Variants in SPIDR observed in about 807,000 individuals in gnomAD.
SPIDR encodes the protein scaffold protein involved in DNA repair, also known as DNA repair-scaffolding protein.
Under a neutral mutation model 104.6 loss-of-function variants are expected in SPIDR, and 93 were observed. That is an observed-to-expected ratio of 0.89 (90% confidence interval 0.75 to 1.06). The LOEUF (loss-of-function observed/expected upper bound fraction) is 1.06. Ranked by LOEUF, SPIDR falls within the 50% of genes least tolerant of loss-of-function variation. The pLI, the probability that SPIDR is intolerant of heterozygous loss-of-function variation, is 0.00. For missense variants in SPIDR, 1,154 were observed against 1,111.2 expected (o/e 1.04, Z -0.55); for synonymous variants, 431 against 416.9 (o/e 1.03, Z -0.41).
intron 8 of SPIDR, among the ~76,000 whole-genome samples, chr8:47,446,638 G>C (rs1361977868): frequency 2.0e-5 from 3 of 150,348 alleles, no homozygotes; most frequent in African/African-American, 7.4e-5. Flanking sequence ...CCAGGCTGGA[G>C]TGCAGTGGTG....
intron 8 of SPIDR, among the ~76,000 whole-genome samples, chr8:47,548,376 G>T (rs1298859482): frequency 6.6e-6 from 1 of 152,226 alleles, no homozygotes; most frequent in Non-Finnish European, 1.5e-5. Context: ...GGCTGAATGT[G>T]GTGGCTCACG....
At chr8:47,418,570 G>T (rs1458739389) in intron 7 of SPIDR, among the ~76,000 whole-genome samples, 1 of 152,134 alleles carries the variant, frequency 6.6e-6, no homozygotes, top group African/African-American at 2.4e-5. Context: ...TGCAAACAGG[G>T]ACAATTTGAC....
chr8:47,387,125 G>A (rs1167899766), intron 5 of SPIDR, among the ~76,000 whole-genome samples: 1 of 152,094 alleles, frequency 6.6e-6, no homozygotes, highest in Non-Finnish European at 1.5e-5. Flanking sequence ...GAATGAGGAA[G>A]CATATTCTAG....
At chr8:47,510,027 G>A (rs959210608) in intron 8 of SPIDR, among the ~76,000 whole-genome samples, 4 of 152,114 alleles carry the variant, frequency 2.6e-5, no homozygotes, top group African/African-American at 7.2e-5. Context: ...CCTAAAAACA[G>A]CATGTATTAT....
At chr8:47,454,158 C>T (rs527265656) in intron 8 of SPIDR, among the ~76,000 whole-genome samples, 14 of 152,268 alleles carry the variant, frequency 9.2e-5, no homozygotes, top group African/African-American at 3.1e-4. Context: ...AATCATGCTG[C>T]TATAAAGACA....
intron 16 of SPIDR, among the ~76,000 whole-genome samples, chr8:47,726,202 A>G (rs557057356): frequency 1.3e-5 from 2 of 152,230 alleles, no homozygotes; most frequent in Non-Finnish European, 1.5e-5. Flanking sequence ...TTCAAAATCA[A>G]GATCTATTAT....
At chr8:47,567,515 G>A (rs966155863) in intron 8 of SPIDR, among the ~76,000 whole-genome samples, 26 of 152,106 alleles carry the variant, frequency 1.7e-4, no homozygotes, top group African/African-American at 6.0e-4. Flanking sequence ...CACCCCGCCC[G>A]GCCTGAGGAT....
intron 16 of SPIDR, among the ~76,000 whole-genome samples, chr8:47,718,576 A>C (rs2082917683): frequency 6.6e-6 from 1 of 151,484 alleles, no homozygotes; most frequent in African/African-American, 2.4e-5. Flanking sequence ...CATGAGCACT[A>C]GTCAGGAAGA....
At chr8:47,417,060 T>G (rs1383131592) in intron 7 of SPIDR, among the ~76,000 whole-genome samples, 1 of 152,214 alleles carries the variant, frequency 6.6e-6, no homozygotes, top group Non-Finnish European at 1.5e-5. Context: ...AAGTCTTTGC[T>G]ATTGTGAATA....
Position 47,345,783 on chromosome 8 carries a change from G to A in SPIDR, c.526-50593G>A, listed in dbSNP as rs1219773377. On this transcript the variant is annotated intron_variant, in intron 5 of 19. Transcript: ENST00000297423. Reference sequence around the variant, plus strand: ...TCTGTTTGTCTCTTATTGGTGTATAGGAATGCTTGTGATTTTTGCACATTG... The same window carrying A: ...TCTGTTTGTCTCTTATTGGTGTATAAGAATGCTTGTGATTTTTGCACATTG... Among the ~76,000 whole-genome samples, 12 of 152,134 alleles carry A rather than the reference G, an allele frequency of 7.9e-5. No individual in the cohort carries two copies. The South Asian group carries it at 1.5e-3, about 18-fold the overall frequency.
At chr8:47,496,766 C>T (rs1244669481) in intron 8 of SPIDR, among the ~76,000 whole-genome samples, 5 of 119,190 alleles carry the variant, frequency 4.2e-5, no homozygotes, top group African/African-American at 1.6e-4. Flanking sequence ...ATGAATTTCT[C>T]TTTAAACATT....
intron 8 of SPIDR, among the ~76,000 whole-genome samples, chr8:47,538,130 G>A (rs374247885): frequency 2.6e-5 from 4 of 151,680 alleles, no homozygotes; most frequent in African/African-American, 7.3e-5. Flanking sequence ...AGCCGGGATC[G>A]TGCCACTGTA....
chr8:47,434,744 C>T (rs1051926693), intron 7 of SPIDR, among the ~76,000 whole-genome samples: 1 of 151,534 alleles, frequency 6.6e-6, no homozygotes, highest in Non-Finnish European at 1.5e-5. Flanking sequence ...AGTATCTCTC[C>T]CCTCATACTA....
chr8:47,544,348 C>G (rs2088841474), intron 8 of SPIDR, among the ~76,000 whole-genome samples: 1 of 152,138 alleles, frequency 6.6e-6, no homozygotes, highest in African/African-American at 2.4e-5. Flanking sequence ...TCAACAAGGT[C>G]TACCAGAATA....
intron 8 of SPIDR, among the ~76,000 whole-genome samples, chr8:47,505,381 C>T (rs1457365196): frequency 2.0e-5 from 3 of 152,160 alleles, no homozygotes; most frequent in African/African-American, 7.2e-5. Flanking sequence ...AGCTTGATCT[C>T]AGACTGCTGT....
intron 10 of SPIDR, among the ~76,000 whole-genome samples, chr8:47,632,874 A>G (rs535228115): frequency 2.6e-5 from 4 of 152,318 alleles, no homozygotes; most frequent in African/African-American, 7.2e-5. Context: ...TGAGTTCCCC[A>G]TTGCTCAGAG....
At chr8:47,291,256 T>C (rs993697108) in intron 4 of SPIDR, 119 bp downstream of exon 4, 2 of 586,616 alleles carry the variant, frequency 3.4e-6, no homozygotes, top group Non-Finnish European at 5.8e-6. Context: ...TGTTAAATAT[T>C]GGATTTAATA....
chr8:47,548,613 A>T lies in SPIDR; in HGVS notation c.1098-47198A>T, dbSNP rs115811326. Among the ~76,000 whole-genome samples the T allele has an allele frequency of 9.8e-3, 1,495 of 152,320 alleles. 28 individuals are homozygous for T. Among genetic ancestry groups the T allele is most frequent in the African/African-American group, 0.033 (1,384 of 41,566 alleles). The stretch of plus-strand genomic sequence containing the variant: ...CAGTCAGCTGCGATTGCACCACTGC[A>T]CTCCGGCCTGGGCAACAGAGCGGAA... On this transcript the variant is annotated intron_variant, in intron 8 of 19. Transcript: ENST00000297423.
rs1194361167 is a variant in SPIDR at position 47,263,541 on chromosome 8, G to C, written c.33+2550G>C. ...TCACCGTGTTAGCCAGGATGGTCTC[G>C]ATCTCCTGACGTCGTGATCCGCCCG... On this transcript the variant is annotated intron_variant, in intron 1 of 19. Transcript: ENST00000297423. 6.6e-5 allele frequency among the ~76,000 whole-genome samples: 10 copies of C among 152,188 alleles called. No homozygotes were observed. In the East Asian group the frequency reaches 1.9e-3, roughly 30 times the overall value.
Sources: gnomAD v4.1 joint callset for allele counts (sites outside exome capture counted in the v4.1 genomes callset) on GRCh38, gnomAD v4.1.1 for gene constraint, MANE v1.5 for transcripts, NCBI Gene and HGNC (gene_info 2026-07-23, HGNC 2026-07-21) for gene names.